CCBE1: variants seen among roughly 807,000 people sequenced by gnomAD.
The protein encoded by CCBE1 is collagen and calcium-binding EGF domain-containing protein 1.
CCBE1 carries 37 observed loss-of-function variants against 50.0 expected under a neutral mutation model. The ratio of observed to expected loss-of-function variants is 0.74; its 90% confidence interval spans 0.57 to 0.97. The LOEUF is 0.97. CCBE1 is among the 50% of genes least tolerant of loss of function. The probability of loss-of-function intolerance (pLI) is 0.00; values close to 1 mark genes in which losing one functional copy is unlikely to be tolerated. For missense variants in CCBE1, 538 were observed against 523.8 expected, an observed-to-expected ratio of 1.03 and a Z score of -0.26; for synonymous variants, 234 against 203.7, an observed-to-expected ratio of 1.15 and a Z score of -1.27.
intron 2 of CCBE1, among the ~76,000 whole-genome samples, chr18:59,483,307 G>A (rs370898842): frequency 2.7e-4 from 41 of 152,132 alleles, no homozygotes; most frequent in African/African-American, 9.4e-4. Flanking sequence ...TTTTATTACA[G>A]GTTGAGTAAC....
At chr18:59,461,802 G>A (rs898380675) in intron 5 of CCBE1, among the ~76,000 whole-genome samples, 4 of 138,868 alleles carry the variant, frequency 2.9e-5, no homozygotes, top group East Asian at 4.3e-4. Flanking sequence ...GTGTGATCTC[G>A]GCTCACTGCA....
chr18:59,596,645 C>G (rs2053354648), intron 2 of CCBE1, among the ~76,000 whole-genome samples: 1 of 152,200 alleles, frequency 6.6e-6, no homozygotes. Context: ...CAATTGATAG[C>G]TGAGAAGAGA....
chr18:59,455,244 C>A, intron 5 of CCBE1: 1 of 486,654 alleles, frequency 2.1e-6, no homozygotes, highest in Non-Finnish European at 3.8e-6. Context: ...CGTACCATGG[C>A]CTTTTATCAG....
At chr18:59,628,330 T>C (rs1568241938) in intron 2 of CCBE1, among the ~76,000 whole-genome samples, 1 of 152,192 alleles carries the variant, frequency 6.6e-6, no homozygotes, top group African/African-American at 2.4e-5. Flanking sequence ...TTAAAAATAA[T>C]AAGGAGAATA....
At chr18:59,455,022 G>T (rs749515150) in intron 5 of CCBE1, 71 bp from the exon 6 acceptor site, 6 of 1,222,248 alleles carry the variant, frequency 4.9e-6, no homozygotes, top group Non-Finnish European at 7.2e-6. Flanking sequence ...GACAGCATCG[G>T]GAAGGGCGGT....
intron 2 of CCBE1, among the ~76,000 whole-genome samples, chr18:59,683,719 G>C (rs2054621650): frequency 6.7e-6 from 1 of 149,010 alleles, no homozygotes; most frequent in African/African-American, 2.6e-5. Context: ...GGAAAGAAAG[G>C]AAAAAGAAAG....
chr18:59,654,146 G>A (rs1326022845), intron 2 of CCBE1, among the ~76,000 whole-genome samples: 2 of 152,170 alleles, frequency 1.3e-5, no homozygotes, highest in African/African-American at 4.8e-5. Flanking sequence ...CAGTGAAGAA[G>A]GAAAACACCA....
At chr18:59,692,611 G>A (rs1027279337) in intron 2 of CCBE1, among the ~76,000 whole-genome samples, 2 of 152,156 alleles carry the variant, frequency 1.3e-5, no homozygotes, top group African/African-American at 2.4e-5. Context: ...AAAGGACCTT[G>A]CTCTTCAAAG....
At chr18:59,475,354 A>T (rs1912256471) in intron 3 of CCBE1, among the ~76,000 whole-genome samples, 1 of 152,242 alleles carries the variant, frequency 6.6e-6, no homozygotes. Context: ...GCTACTAATC[A>T]ACATGAAATA....
intron 2 of CCBE1, among the ~76,000 whole-genome samples, chr18:59,591,245 C>CAAAAAAAAAAAAAAAAA (rs58325003): frequency 4.7e-4 from 1 of 2,118 alleles, no homozygotes; most frequent in Non-Finnish European, 6.8e-4. Context: ...GACTCCGTCT[C>CAAAAAAAAAAAAAAAAA]AAAAAAAAAA....
At chr18:59,689,940 A>T (rs1411287866) in intron 2 of CCBE1, among the ~76,000 whole-genome samples, 1 of 152,158 alleles carries the variant, frequency 6.6e-6, no homozygotes, top group East Asian at 1.9e-4. Context: ...TCTGTTGCTG[A>T]AAGGACACAG....
chr18:59,647,523 T>C (rs542038615), intron 2 of CCBE1, among the ~76,000 whole-genome samples: 6 of 152,382 alleles, frequency 3.9e-5, no homozygotes, highest in African/African-American at 1.4e-4. Context: ...GTAATCAATT[T>C]ACTCTGCAAG....
chr18:59,625,008 A>T (rs758147830), intron 2 of CCBE1, among the ~76,000 whole-genome samples: 2 of 152,256 alleles, frequency 1.3e-5, no homozygotes, highest in Non-Finnish European at 2.9e-5. Flanking sequence ...TGGGAACCCC[A>T]AAGTGTGAAT....
intron 2 of CCBE1, 159 bp downstream of exon 2, chr18:59,696,470 A>G (rs1473471263): frequency 1.5e-5 from 22 of 1,500,252 alleles, no homozygotes; most frequent in Non-Finnish European, 1.9e-5. Context: ...GATCCAACCA[A>G]CCCTCAAAGA....
At chr18:59,612,621 G>A (rs1029265836) in intron 2 of CCBE1, among the ~76,000 whole-genome samples, 1 of 152,128 alleles carries the variant, frequency 6.6e-6, no homozygotes, top group East Asian at 1.9e-4. Context: ...ACTGAGACTT[G>A]GACAGCTGAA....
chr18:59,445,352 T>A (rs1910622470), intron 7 of CCBE1, among the ~76,000 whole-genome samples: 1 of 152,216 alleles, frequency 6.6e-6, no homozygotes, highest in Non-Finnish European at 1.5e-5. Context: ...TAGTCCTGGA[T>A]ACATAGTGGG....
At chr18:59,669,129 C>A (rs903154710) in intron 2 of CCBE1, among the ~76,000 whole-genome samples, 1 of 152,110 alleles carries the variant, frequency 6.6e-6, no homozygotes, top group Non-Finnish European at 1.5e-5. Flanking sequence ...AGCCACCTTG[C>A]CCGGCCAACA....
At chr18:59,657,434 G>A (rs1300342885) in intron 2 of CCBE1, among the ~76,000 whole-genome samples, 2 of 152,242 alleles carry the variant, frequency 1.3e-5, no homozygotes, top group East Asian at 3.8e-4. Flanking sequence ...AACCCTGACA[G>A]GGCAGGGCCC....
At chr18:59,677,742 C>G (rs1490957860) in intron 2 of CCBE1, among the ~76,000 whole-genome samples, 1 of 151,708 alleles carries the variant, frequency 6.6e-6, no homozygotes, top group African/African-American at 2.4e-5. Context: ...AGGTGAGAAA[C>G]CAACTGGATT....
Sources: gnomAD v4.1 joint callset for allele counts (sites outside exome capture counted in the v4.1 genomes callset) on GRCh38, gnomAD v4.1.1 for gene constraint, MANE v1.5 for transcripts, NCBI Gene and HGNC (gene_info 2026-07-23, HGNC 2026-07-21) for gene names.